DENND1A: variants seen among roughly 807,000 people sequenced by gnomAD.
DENND1A encodes DENN domain containing 1A.
DENND1A carries 51 observed loss-of-function variants against 113.7 expected under a neutral mutation model. The ratio of observed to expected loss-of-function variants is 0.45; its 90% CI spans 0.36 to 0.57. The LOEUF (loss-of-function observed/expected upper bound fraction) is 0.57, where lower values mean the gene tolerates loss of function less well. Among genes scored for constraint, DENND1A ranks in the 20% least tolerant of loss-of-function variants. The pLI is 0.00. For synonymous variants in DENND1A, 565 were observed against 570.8 expected, an observed-to-expected ratio of 0.99 and a Z score of 0.14; for missense variants, 1,258 against 1,395.9, an observed-to-expected ratio of 0.90 and a Z score of 1.57.
chr9:123,903,835 A>T (rs571820714), intron 1 of DENND1A, among the ~76,000 whole-genome samples: 12 of 152,260 alleles, frequency 7.9e-5, no homozygotes, highest in Non-Finnish European at 1.6e-4. Flanking sequence ...AGGTAAACAA[A>T]GCAGCCAGGA....
intron 13 of DENND1A, among the ~76,000 whole-genome samples, chr9:123,544,874 G>A (rs1009078930): frequency 1.1e-4 from 17 of 152,096 alleles, no homozygotes; most frequent in African/African-American, 4.1e-4. Flanking sequence ...CAAGGTGGGC[G>A]GATCACCAGG....
intron 5 of DENND1A, among the ~76,000 whole-genome samples, chr9:123,730,054 A>C (rs1352382162): frequency 6.6e-6 from 1 of 152,214 alleles, no homozygotes; most frequent in Admixed American, 6.5e-5. Context: ...CTGGCTAGCC[A>C]TATGAGGAAA....
chr9:123,450,796 C>A, intron 17 of DENND1A, 47 bp from the exon 18 acceptor site: 1 of 1,510,306 alleles, frequency 6.6e-7, no homozygotes, highest in African/African-American at 1.4e-5. Flanking sequence ...CTGTTTCCAG[C>A]AGGGACTATG....
intron 5 of DENND1A, among the ~76,000 whole-genome samples, chr9:123,710,200 A>G (rs911921577): frequency 4.6e-5 from 7 of 152,210 alleles, no homozygotes; most frequent in African/African-American, 1.7e-4. Context: ...GTTTTTCACT[A>G]ATTTAAAAAG....
chr9:123,825,086 G>A (rs1233094290), intron 2 of DENND1A, among the ~76,000 whole-genome samples: 7 of 152,018 alleles, frequency 4.6e-5, no homozygotes, highest in African/African-American at 1.4e-4. Flanking sequence ...AGAATAAAAT[G>A]CACCATTAGT....
At chr9:123,638,600 G>C (rs1366451465) in intron 9 of DENND1A, among the ~76,000 whole-genome samples, 1 of 152,134 alleles carries the variant, frequency 6.6e-6, no homozygotes, top group African/African-American at 2.4e-5. Flanking sequence ...CTCCCGAGTA[G>C]CTGGGTGAAT....
At chr9:123,802,705 C>CA (rs1834882532) in intron 2 of DENND1A, among the ~76,000 whole-genome samples, 1 of 144,718 alleles carries the variant, frequency 6.9e-6, no homozygotes. Flanking sequence ...TCACTACTGC[C>CA]TTTTTTTTTT....
intron 8 of DENND1A, among the ~76,000 whole-genome samples, chr9:123,661,659 A>C (rs73580146): frequency 0.038 from 5,740 of 152,318 alleles, 393 homozygotes; most frequent in African/African-American, 0.13. Flanking sequence ...CATTTGAGGA[A>C]AGGCTCTACA....
intron 19 of DENND1A, among the ~76,000 whole-genome samples, chr9:123,429,107 G>A (rs2045949981): frequency 6.6e-6 from 1 of 152,178 alleles, no homozygotes; most frequent in South Asian, 2.1e-4. Context: ...AAAGGACAAA[G>A]CTGGAGGCAT....
chr9:123,457,458 C>T (rs2048209477), intron 14 of DENND1A, 23 bp from the exon 15 acceptor site: 4 of 1,570,308 alleles, frequency 2.5e-6, no homozygotes, highest in South Asian at 2.2e-5. Flanking sequence ...GGAACAAAAG[C>T]ACAACAGCTC....
Position 123,837,143 on chromosome 9 carries a change from T to C in DENND1A, c.88+41808A>G, listed in dbSNP as rs142479266. 5.3e-5 allele frequency among the ~76,000 whole-genome samples: 8 copies of C among 152,268 alleles called. No individual in the cohort carries two copies. The East Asian group carries it at 1.5e-3, about 29-fold the overall frequency. The stretch of plus-strand genomic sequence containing the variant: ...TTTACTGGCCAAGAAAGGGTCAGGA[T>C]TTAAACTCCTCCCAACCGAGGATAA... On this transcript the variant is annotated intron_variant, in intron 2 of 23. Coordinates refer to ENST00000394215, the MANE Select transcript of DENND1A (RefSeq NM_001352964.2).
At chr9:123,516,107 TACACACACACACACACACACACACAC>T (rs199923277) in intron 13 of DENND1A, among the ~76,000 whole-genome samples, 49 of 138,664 alleles carry the variant, frequency 3.5e-4, no homozygotes, top group African/African-American at 1.1e-3. Flanking sequence ...TACACACACA[TACACACACACACACACACACACACAC>T]ACACACACAC....
At chr9:123,891,190 C>T (rs142914282) in intron 1 of DENND1A, among the ~76,000 whole-genome samples, 58 of 152,260 alleles carry the variant, frequency 3.8e-4, no homozygotes, top group African/African-American at 1.2e-3. Context: ...CCCATGTCTC[C>T]CAGAAGCACT....
chr9:123,599,386 A>G (rs2059844964), intron 11 of DENND1A, among the ~76,000 whole-genome samples: 2 of 152,216 alleles, frequency 1.3e-5, no homozygotes, highest in Non-Finnish European at 2.9e-5. Flanking sequence ...GAAAAAAGGC[A>G]TGGTTACTAC....
At chr9:123,762,469 C>T (rs1172272637) in intron 4 of DENND1A, among the ~76,000 whole-genome samples, 1 of 152,210 alleles carries the variant, frequency 6.6e-6, no homozygotes. Flanking sequence ...AGGGCCAGTG[C>T]ATGAATGGTA....
intron 13 of DENND1A, among the ~76,000 whole-genome samples, chr9:123,532,424 A>G (rs2055397610): frequency 6.6e-6 from 1 of 152,172 alleles, no homozygotes; most frequent in Non-Finnish European, 1.5e-5. Context: ...TTAATCTAGA[A>G]TAGTTCTTGG....
At chr9:123,677,416 T>C (rs2064150394) in intron 5 of DENND1A, among the ~76,000 whole-genome samples, 1 of 152,148 alleles carries the variant, frequency 6.6e-6, no homozygotes, top group African/African-American at 2.4e-5. Flanking sequence ...GTCCACTCTG[T>C]GTGGCTTGTT....
At chr9:123,705,241 A>G (rs1023363133) in intron 5 of DENND1A, among the ~76,000 whole-genome samples, 1 of 152,216 alleles carries the variant, frequency 6.6e-6, no homozygotes, top group Non-Finnish European at 1.5e-5. Context: ...TTTACGACTT[A>G]TTGGAGAAAT....
intron 19 of DENND1A, chr9:123,414,561 T>C (rs1350394945): frequency 2.6e-6 from 4 of 1,550,342 alleles, no homozygotes; most frequent in Non-Finnish European, 3.5e-6. Context: ...CTGTCTTCTG[T>C]CTTGCTCCTT....
Sources: allele counts gnomAD v4.1 joint callset (sites outside exome capture counted in the v4.1 genomes callset), GRCh38; gene constraint gnomAD v4.1.1; transcripts MANE v1.5; gene names NCBI Gene and HGNC (gene_info 2026-07-23, HGNC 2026-07-21).